Variants in DACH1 observed in about 807,000 individuals in gnomAD.
DACH1 encodes dachshund family transcription factor 1, also known as dachshund homolog 1.
DACH1 carries 12 observed loss-of-function variants against 54.2 expected under a neutral mutation model. That is an observed-to-expected ratio of 0.22 (90% confidence interval 0.14 to 0.36). DACH1 has a LOEUF of 0.36. DACH1 is among the 10% of genes least tolerant of loss of function. The probability of loss-of-function intolerance (pLI) is 1.00; values close to 1 mark genes in which losing one functional copy is unlikely to be tolerated. For missense variants in DACH1, 805 were observed against 929.8 expected (o/e 0.87, Z 1.75); for synonymous variants, 386 against 366.2 (o/e 1.05, Z -0.62).
intron 1 of DACH1, among the ~76,000 whole-genome samples, chr13:71,859,276 T>G (rs951924746): frequency 2.0e-5 from 3 of 151,554 alleles, no homozygotes; most frequent in African/African-American, 7.3e-5. Context: ...GAAAGATGAT[T>G]TTTTTTAAAT....
At chr13:71,578,147 A>AT (rs1885648805) in intron 3 of DACH1, among the ~76,000 whole-genome samples, 1 of 152,160 alleles carries the variant, frequency 6.6e-6, no homozygotes, top group South Asian at 2.1e-4. Flanking sequence ...ATTTGTTAAG[A>AT]TTTTCCCACA....
chr13:71,831,520 T>C (rs541977195), intron 1 of DACH1, among the ~76,000 whole-genome samples: 25 of 151,838 alleles, frequency 1.6e-4, no homozygotes, highest in Non-Finnish European at 2.9e-4. Context: ...ACTTGTGATA[T>C]ATAGGGTGGG....
intron 1 of DACH1, among the ~76,000 whole-genome samples, chr13:71,725,857 T>C (rs1339941454): frequency 6.6e-6 from 1 of 152,148 alleles, no homozygotes; most frequent in African/African-American, 2.4e-5. Flanking sequence ...GAAAGCTGCA[T>C]GGTTTATAAA....
intron 1 of DACH1, among the ~76,000 whole-genome samples, chr13:71,748,892 T>TTC (rs1566476819): frequency 2.2e-4 from 23 of 104,404 alleles, no homozygotes; most frequent in East Asian, 1.2e-3. Flanking sequence ...CTTTCTTTCT[T>TTC]TCTTTCTCTT....
chr13:71,452,215 C>T (rs1188885813), intron 10 of DACH1, among the ~76,000 whole-genome samples: 2 of 152,080 alleles, frequency 1.3e-5, no homozygotes, highest in African/African-American at 2.4e-5. Context: ...CTGCAACCTC[C>T]GCCTCCTGGG....
At chr13:71,455,744 TTGAA>T (rs1875504231) in intron 10 of DACH1, among the ~76,000 whole-genome samples, 1 of 152,098 alleles carries the variant, frequency 6.6e-6, no homozygotes, top group Non-Finnish European at 1.5e-5. Flanking sequence ...AGATACCAGA[TTGAA>T]TGAAACAAGG....
chr13:71,488,966 T>C (rs1229853707), intron 7 of DACH1, 31 bp downstream of exon 7: 6 of 1,600,302 alleles, frequency 3.7e-6, no homozygotes, highest in South Asian at 2.3e-5. Flanking sequence ...GTGTTCCATA[T>C]GTCTTTCTTC....
rs567864940 is a variant in DACH1, at chr13:71,486,970, G to A, written c.1722+2027C>T. Among the ~76,000 whole-genome samples, 462 of 151,716 alleles carry A rather than the reference G, an allele frequency of 3.0e-3. 1 individual carries two copies. The highest frequency in any genetic ancestry group is 3.9e-3 in the Non-Finnish European group (268 of 67,896). ...AGCAATTCTCCTGCCTCAACCTCTCGAGTAGCTGGGATTACAGGCACCTGC... is the reference window on the plus strand; with the variant it reads ...AGCAATTCTCCTGCCTCAACCTCTCAAGTAGCTGGGATTACAGGCACCTGC... On this transcript the variant is annotated intron_variant, in intron 7 of 10. Coordinates refer to ENST00000613252, the MANE Select transcript of DACH1 (RefSeq NM_080759.6).
At chr13:71,665,906 A>C (rs942974309) in intron 2 of DACH1, among the ~76,000 whole-genome samples, 2 of 152,094 alleles carry the variant, frequency 1.3e-5, no homozygotes, top group Non-Finnish European at 2.9e-5. Flanking sequence ...GTGTACCTTA[A>C]TACTCATCTG....
intron 1 of DACH1, among the ~76,000 whole-genome samples, chr13:71,731,684 T>C (rs1318449703): frequency 1.3e-5 from 2 of 152,184 alleles, no homozygotes; most frequent in Non-Finnish European, 2.9e-5. Context: ...GACTCCGCTG[T>C]CAGAATTGCT....
chr13:71,651,656 ATGTATC>A (rs57754864), intron 2 of DACH1, among the ~76,000 whole-genome samples: 8,691 of 146,780 alleles, frequency 0.059, 312 homozygotes, highest in Non-Finnish European at 0.07. Context: ...ATGCATGTAT[ATGTATC>A]TGTATCTGTA....
intron 1 of DACH1, among the ~76,000 whole-genome samples, chr13:71,844,908 G>C (rs1190079824): frequency 6.6e-6 from 1 of 152,056 alleles, no homozygotes; most frequent in Admixed American, 6.6e-5. Context: ...GCTTCAAAAA[G>C]TTGATGTCAC....
intron 6 of DACH1, among the ~76,000 whole-genome samples, chr13:71,534,748 C>T (rs1882647574): frequency 6.6e-6 from 1 of 151,510 alleles, no homozygotes; most frequent in South Asian, 2.1e-4. Flanking sequence ...AACTAAATTC[C>T]ATTGTCATAC....
intron 8 of DACH1, among the ~76,000 whole-genome samples, chr13:71,477,605 C>T (rs978513340): frequency 6.6e-6 from 1 of 151,850 alleles, no homozygotes; most frequent in Non-Finnish European, 1.5e-5. Context: ...ATGTGCTTAC[C>T]TTAACAAAAT....
chr13:71,632,139 AAAAAG>A (rs1365995788), intron 2 of DACH1, among the ~76,000 whole-genome samples: 2 of 152,012 alleles, frequency 1.3e-5, no homozygotes, highest in African/African-American at 2.4e-5. Flanking sequence ...AAAGACAAAA[AAAAAG>A]AAAAGAAACA....
chr13:71,721,777 G>A lies in DACH1; in HGVS notation c.849-39867C>T, dbSNP rs548187419. Reference sequence around the variant, plus strand: ...ATCATTTTTTCTTCCTTAAAAGTATGTTGGAAAAAAAGAAATATGATATCC... The same window carrying A: ...ATCATTTTTTCTTCCTTAAAAGTATATTGGAAAAAAAGAAATATGATATCC... On this transcript the variant is annotated intron_variant, in intron 1 of 10. Coordinates refer to ENST00000613252, the MANE Select transcript of DACH1 (RefSeq NM_080759.6). 4.6e-5 allele frequency among the ~76,000 whole-genome samples: 7 copies of A among 152,126 alleles called. No homozygotes were observed. The South Asian group carries it at 1.5e-3, about 32-fold the overall frequency.
At chr13:71,649,654 T>G (rs1176097889) in intron 2 of DACH1, among the ~76,000 whole-genome samples, 1 of 152,176 alleles carries the variant, frequency 6.6e-6, no homozygotes, top group East Asian at 1.9e-4. Flanking sequence ...AAATTTTAAT[T>G]CATGTTGTAA....
intron 2 of DACH1, among the ~76,000 whole-genome samples, chr13:71,668,846 A>G (rs1594074599): frequency 6.6e-6 from 1 of 151,924 alleles, no homozygotes; most frequent in African/African-American, 2.4e-5. Context: ...AATTGCTTGA[A>G]CCCAGGAGGC....
intron 6 of DACH1, among the ~76,000 whole-genome samples, chr13:71,552,281 T>G (rs1424867490): frequency 6.6e-6 from 1 of 152,124 alleles, no homozygotes; most frequent in Non-Finnish European, 1.5e-5. Flanking sequence ...TTGGACTACT[T>G]AATCCAAGAC....
Sources: allele counts gnomAD v4.1 joint callset (sites outside exome capture counted in the v4.1 genomes callset), GRCh38; gene constraint gnomAD v4.1.1; transcripts MANE v1.5; gene names NCBI Gene and HGNC (gene_info 2026-07-23, HGNC 2026-07-21).